The following ARNT2 variants were observed in gnomAD, a reference collection of about 807,000 sequenced individuals.
ARNT2 encodes aryl hydrocarbon receptor nuclear translocator 2.
In ARNT2, 36 loss-of-function variants were observed where a neutral mutation model predicts 91.7. The ratio of observed to expected loss-of-function variants is 0.39; its 90% confidence interval spans 0.30 to 0.52. The LOEUF (loss-of-function observed/expected upper bound fraction) is 0.52. Ranked by LOEUF, ARNT2 falls within the 20% of genes least tolerant of loss-of-function variation. The probability of loss-of-function intolerance (pLI) is 0.72; values close to 1 mark genes in which losing one functional copy is unlikely to be tolerated. For missense variants in ARNT2, 775 were observed against 939.3 expected (o/e 0.83, Z 2.29); for synonymous variants, 365 against 347.1 (o/e 1.05, Z -0.57).
intron 8 of ARNT2, among the ~76,000 whole-genome samples, chr15:80,518,259 ACTTTTT>A (rs1395220507): frequency 6.9e-6 from 1 of 143,936 alleles, no homozygotes; most frequent in Non-Finnish European, 1.5e-5. Context: ...TTTCCGAAGA[ACTTTTT>A]CTTTTTCTAT....
intron 5 of ARNT2, among the ~76,000 whole-genome samples, chr15:80,483,252 G>A (rs7183507): frequency 0.069 from 10,555 of 152,234 alleles, 884 homozygotes; most frequent in African/African-American, 0.19. Flanking sequence ...TATATACTTC[G>A]ATGCACATTT....
intron 18 of ARNT2, 64 bp from the exon 19 acceptor site, chr15:80,593,536 A>G: frequency 4.4e-6 from 6 of 1,349,060 alleles, no homozygotes; most frequent in Non-Finnish European, 6.2e-6. Context: ...GGCTCCTGGG[A>G]CATGCCCAGT....
intron 8 of ARNT2, among the ~76,000 whole-genome samples, chr15:80,536,121 C>A (rs538197049): frequency 6.6e-6 from 1 of 152,294 alleles, no homozygotes; most frequent in Non-Finnish European, 1.5e-5. Context: ...AGGTTCGTTG[C>A]CTCATGCTGA....
chr15:80,411,987 T>C (rs1895686278), intron 1 of ARNT2, among the ~76,000 whole-genome samples: 1 of 152,208 alleles, frequency 6.6e-6, no homozygotes, highest in Non-Finnish European at 1.5e-5. Flanking sequence ...TTACCAGCAG[T>C]TACTGATAAG....
intron 8 of ARNT2, among the ~76,000 whole-genome samples, chr15:80,515,040 A>G (rs147873801): frequency 2.0e-4 from 30 of 152,366 alleles, no homozygotes; most frequent in African/African-American, 7.0e-4. Context: ...CTAAATCATT[A>G]CAGAAATGCA....
rs191778312 is a variant in ARNT2, at chr15:80,517,313, A to G, written c.877+2908A>G. Among the ~76,000 whole-genome samples the G allele has an allele frequency of 3.3e-3, 497 of 152,238 alleles. 8 individuals are homozygous for G. The highest frequency in any genetic ancestry group is 0.023 in the Admixed American group (346 of 15,300). On this transcript the variant is annotated intron_variant, in intron 8 of 18. Coordinates refer to ENST00000303329, the MANE Select transcript of ARNT2 (RefSeq NM_014862.4). ...ATGGTTTCTGAAGAGAAGTCCACAT[A>G]ATTCTCATCCTTGTTCTTCTATAGG...
At chr15:80,519,845 C>T (rs550663444) in intron 8 of ARNT2, among the ~76,000 whole-genome samples, 32 of 147,868 alleles carry the variant, frequency 2.2e-4, no homozygotes, top group African/African-American at 5.6e-4. Flanking sequence ...CCACCATGCC[C>T]GGCTAATTTT....
At chr15:80,496,583 C>G (rs1456193247) in intron 5 of ARNT2, among the ~76,000 whole-genome samples, 1 of 152,194 alleles carries the variant, frequency 6.6e-6, no homozygotes, top group African/African-American at 2.4e-5. Context: ...CCAGCCTTTC[C>G]CTGCCTGGAT....
chr15:80,440,713 A>T (rs1357695133), intron 1 of ARNT2, among the ~76,000 whole-genome samples: 2 of 152,344 alleles, frequency 1.3e-5, no homozygotes, highest in East Asian at 3.9e-4. Flanking sequence ...AGGGCTCGGT[A>T]TCCAGGCTGG....
At chr15:80,535,988 T>A (rs976203403) in intron 8 of ARNT2, among the ~76,000 whole-genome samples, 1 of 152,238 alleles carries the variant, frequency 6.6e-6, no homozygotes, top group African/African-American at 2.4e-5. Context: ...ACTTCTTGTT[T>A]CTCTCTGCAT....
intron 17 of ARNT2, among the ~76,000 whole-genome samples, chr15:80,587,409 G>T (rs918770270): frequency 1.3e-5 from 2 of 151,908 alleles, no homozygotes; most frequent in African/African-American, 2.4e-5. Flanking sequence ...GGTTTGGTGG[G>T]GGGGTGGGGT....
chr15:80,439,289 G>A (rs1896148885), intron 1 of ARNT2, among the ~76,000 whole-genome samples: 1 of 152,202 alleles, frequency 6.6e-6, no homozygotes, highest in Non-Finnish European at 1.5e-5. Flanking sequence ...TGCTGTAGAC[G>A]TAGAGATGGT....
intron 6 of ARNT2, among the ~76,000 whole-genome samples, chr15:80,510,602 G>T (rs568791754): frequency 1.6e-5 from 1 of 61,588 alleles, no homozygotes; most frequent in Non-Finnish European, 4.2e-5. Context: ...AGGCCAAGGC[G>T]GGCAGATCAC....
chr15:80,561,067 A>G (rs59153529), intron 11 of ARNT2, among the ~76,000 whole-genome samples: 13,857 of 152,188 alleles, frequency 0.091, 1,289 homozygotes, highest in African/African-American at 0.23. Context: ...TGCTCCTTGC[A>G]GGTCTTGAGG....
chr15:80,519,374 G>A (rs1897496359), intron 8 of ARNT2, among the ~76,000 whole-genome samples: 1 of 152,212 alleles, frequency 6.6e-6, no homozygotes, highest in African/African-American at 2.4e-5. Flanking sequence ...ATCCTTTTGA[G>A]TCTTTGATCA....
chr15:80,489,013 A>T (rs538220355), intron 5 of ARNT2, among the ~76,000 whole-genome samples: 2 of 152,222 alleles, frequency 1.3e-5, no homozygotes, highest in African/African-American at 4.8e-5. Flanking sequence ...TTTTTTAGGC[A>T]GATATAATTA....
intron 8 of ARNT2, among the ~76,000 whole-genome samples, chr15:80,526,498 C>G (rs748836789): frequency 1.5e-4 from 23 of 152,234 alleles, no homozygotes; most frequent in Middle Eastern, 3.2e-3. Context: ...TCCGACCTGC[C>G]TGGTTCCTCA....
intron 6 of ARNT2, among the ~76,000 whole-genome samples, chr15:80,510,762 G>A (rs1475526536): frequency 6.6e-6 from 1 of 152,096 alleles, no homozygotes; most frequent in Non-Finnish European, 1.5e-5. Flanking sequence ...CTGGGAGATG[G>A]AAGTTGCAGT....
At chr15:80,465,269 G>A (rs540875326) in intron 3 of ARNT2, among the ~76,000 whole-genome samples, 11 of 152,202 alleles carry the variant, frequency 7.2e-5, no homozygotes, top group African/African-American at 2.7e-4. Context: ...CTGGGGAAAT[G>A]AGCACAAATT....
Sources: gnomAD v4.1 joint callset for allele counts (sites outside exome capture counted in the v4.1 genomes callset) on GRCh38, gnomAD v4.1.1 for gene constraint, MANE v1.5 for transcripts, NCBI Gene and HGNC (gene_info 2026-07-23, HGNC 2026-07-21) for gene names.